TBC1D31: variants seen among roughly 807,000 people sequenced by gnomAD.
TBC1D31 encodes the protein TBC1 domain family member 31, also known as WD repeat domain 67.
In TBC1D31, 99 loss-of-function variants were observed where a neutral mutation model predicts 132.9. The observed-to-expected ratio is 0.74, with a 90% CI of 0.63 to 0.88. The LOEUF (loss-of-function observed/expected upper bound fraction) is 0.88, where lower values mean the gene tolerates loss of function less well. Among genes scored for constraint, TBC1D31 ranks in the 40% least tolerant of loss-of-function variants. The pLI is 0.00. For synonymous variants in TBC1D31, 385 were observed against 419.4 expected, an observed-to-expected ratio of 0.92 and a Z score of 1.00; for missense variants, 1,134 against 1,256.6, an observed-to-expected ratio of 0.90 and a Z score of 1.48.
At chr8:123,079,993 T>C (rs905528436) in intron 2 of TBC1D31, among the ~76,000 whole-genome samples, 2 of 152,226 alleles carry the variant, frequency 1.3e-5, no homozygotes, top group Admixed American at 6.5e-5. Context: ...CTGTTGGTTG[T>C]TGGGGAGAAA....
intron 1 of TBC1D31, among the ~76,000 whole-genome samples, chr8:123,075,889 A>G (rs2130601500): frequency 6.6e-6 from 1 of 152,278 alleles, no homozygotes; most frequent in African/African-American, 2.4e-5. Flanking sequence ...TTTTCTTTCA[A>G]CAGATACAGG....
intron 1 of TBC1D31, among the ~76,000 whole-genome samples, chr8:123,076,052 A>G (rs1277214251): frequency 6.6e-6 from 1 of 152,194 alleles, no homozygotes; most frequent in Non-Finnish European, 1.5e-5. Context: ...TTACCTGCAG[A>G]CAGCTGCTGT....
rs1821795830 is a variant in TBC1D31, at chr8:123,142,432, A to C, written c.2811A>C (p.Ala937=). Residue 937 remains alanine (A), a synonymous_variant, in exon 19 of 22, where the codon GCA becomes GCC. Transcript: ENST00000287380. ...NRRKEIEIIN[A]MVEEEAKKWK... is the part of the protein sequence containing the mutation. ...GGAAAGAAATAGAGATAATAAATGC[A>C]ATGGTGGAGGAGGAAGCCAAGAAGG... The C allele has an allele frequency of 6.3e-7, 1 of 1,594,236 alleles. No homozygotes were observed. The highest frequency in any genetic ancestry group is 8.5e-7 in the Non-Finnish European group (1 of 1,172,450).
chr8:123,107,744 T>C (rs886504325), intron 8 of TBC1D31, among the ~76,000 whole-genome samples: 2 of 152,168 alleles, frequency 1.3e-5, no homozygotes, highest in African/African-American at 4.8e-5. Context: ...CAGAAATATG[T>C]CAAGGAATGG....
intron 17 of TBC1D31, among the ~76,000 whole-genome samples, chr8:123,135,445 CAAAG>C (rs1363673941): frequency 6.6e-6 from 1 of 152,134 alleles, no homozygotes; most frequent in African/African-American, 2.4e-5. Flanking sequence ...ACTAGAAATA[CAAAG>C]AAATAGCCAA....
chr8:123,104,124 T>C (rs1817702533), intron 7 of TBC1D31: 1 of 152,188 alleles, frequency 6.6e-6, no homozygotes, highest in African/African-American at 2.4e-5. Context: ...TTATACTTCA[T>C]GGTAGAGGAT....
intron 16 of TBC1D31, among the ~76,000 whole-genome samples, chr8:123,130,907 C>T (rs563453187): frequency 2.5e-4 from 38 of 151,800 alleles, no homozygotes; most frequent in African/African-American, 7.2e-4. Context: ...CAGGCGTGAG[C>T]CACCAAGCCC....
the TBC1D31 span, among the ~76,000 whole-genome samples, chr8:123,158,399 CAG>C: frequency 6.6e-6 from 1 of 152,066 alleles, no homozygotes; most frequent in East Asian, 1.9e-4. Context: ...GAAATTGAGA[CAG>C]AACTCTGGGC....
chr8:123,161,032 G>A, the TBC1D31 span, among the ~76,000 whole-genome samples: 1 of 152,122 alleles, frequency 6.6e-6, no homozygotes, highest in African/African-American at 2.4e-5. Context: ...CGGGGTCGCA[G>A]ATGAGGGAGT....
intron 11 of TBC1D31, among the ~76,000 whole-genome samples, chr8:123,124,067 GA>G (rs778155550): frequency 0.085 from 10,255 of 121,326 alleles, 467 homozygotes; most frequent in African/African-American, 0.16. Context: ...CTCCATAATT[GA>G]AAAAAAAAAA....
At chr8:123,152,813 G>C (rs971143162), downstream of TBC1D31, among the ~76,000 whole-genome samples, 3 of 152,186 alleles carry the variant, frequency 2.0e-5, no homozygotes, top group African/African-American at 7.2e-5. Flanking sequence ...GGAGGTTGCA[G>C]TGAGCCGAGA....
In TBC1D31 at chr8:123,077,072, G is replaced by C. The variant is rs777192666; in HGVS notation, c.78-39G>C. On this transcript the variant is annotated intron_variant, in intron 1 of 21. Coordinates refer to ENST00000287380, the MANE Select transcript of TBC1D31 (RefSeq NM_145647.4). ...TATTTTTCATAATATCAAGTAATAC[G>C]TGACATAGATTCAATGTTTGGGTTT... is the stretch of plus-strand genomic sequence containing the variant. 5.7e-5 allele frequency: 88 copies of C among 1,540,076 alleles called. 1 individual carries two copies. The highest frequency in any genetic ancestry group is 6.9e-5 in the Non-Finnish European group (79 of 1,141,022).
chr8:123,085,321 G>A (rs1005106622), intron 4 of TBC1D31, among the ~76,000 whole-genome samples: 2 of 152,136 alleles, frequency 1.3e-5, no homozygotes, highest in African/African-American at 4.8e-5. Context: ...CTCCCTGGGT[G>A]ACCACCACTC....
chr8:123,119,916 G>T, intron 10 of TBC1D31, 139 bp from the exon 11 acceptor site: 1 of 631,388 alleles, frequency 1.6e-6, no homozygotes. Flanking sequence ...TTTAACAATG[G>T]TTACTTCTGG....
intron 10 of TBC1D31, among the ~76,000 whole-genome samples, chr8:123,116,800 A>G (rs1477680270): frequency 1.3e-5 from 2 of 152,246 alleles, no homozygotes; most frequent in African/African-American, 4.8e-5. Flanking sequence ...AATTTGAGGA[A>G]CAAAATAAAT....
Position 123,140,909 on chromosome 8 carries a change from T to C in TBC1D31, c.2640+8T>C. 1 of 1,612,636 alleles carries C rather than the reference T, an allele frequency of 6.2e-7. No individual in the cohort carries two copies. Among genetic ancestry groups the C allele is most frequent in the Non-Finnish European group, 8.5e-7 (1 of 1,179,482 alleles). On this transcript the variant is annotated splice_region_variant and intron_variant, in intron 18 of 21. Transcript: ENST00000287380. ...AGCCAGAAAACTCAGAAGGTAAAAA[T>C]ATGATCCATTTAGTATACATGCAGA...
At chr8:123,098,564 A>T (rs1305181142) in intron 6 of TBC1D31, among the ~76,000 whole-genome samples, 1 of 152,260 alleles carries the variant, frequency 6.6e-6, no homozygotes, top group African/African-American at 2.4e-5. Flanking sequence ...CTGGGATTAT[A>T]GGCGTGAGCC....
chr8:123,149,979 A>G, intron 20 of TBC1D31, 57 bp from the exon 21 acceptor site: 6 of 1,264,608 alleles, frequency 4.7e-6, no homozygotes, highest in Non-Finnish European at 6.9e-6. Flanking sequence ...ATTTGGAATT[A>G]GTAAGCCTTT....
At chr8:123,135,291 G>A (rs555897969) in intron 17 of TBC1D31, among the ~76,000 whole-genome samples, 2 of 152,252 alleles carry the variant, frequency 1.3e-5, no homozygotes, top group South Asian at 4.2e-4. Context: ...CTGGAAAAAA[G>A]GAGCTTTGTT....
Sources: allele counts gnomAD v4.1 joint callset (sites outside exome capture counted in the v4.1 genomes callset), GRCh38; gene constraint gnomAD v4.1.1; transcripts MANE v1.5; gene names NCBI Gene and HGNC (gene_info 2026-07-23, HGNC 2026-07-21).